The following NDUFA2 variants were observed in gnomAD, a reference collection of about 807,000 sequenced individuals.
NDUFA2 encodes the protein NADH dehydrogenase [ubiquinone] 1 alpha subcomplex subunit 2.
Under a neutral mutation model 11.4 loss-of-function variants are expected in NDUFA2, and 9 were observed. That is an observed-to-expected ratio of 0.79 (90% CI 0.48 to 1.38). The LOEUF (loss-of-function observed/expected upper bound fraction) is 1.38. NDUFA2 is among the 40% of genes most tolerant of loss of function. The pLI is 0.00. For missense variants in NDUFA2, 150 were observed against 131.2 expected (o/e 1.14, Z -0.70); for synonymous variants, 49 against 54.0 (o/e 0.91, Z 0.41).
chr5:140,646,704 G>C (rs1757421615), intron 2 of NDUFA2, among the ~76,000 whole-genome samples: 1 of 152,124 alleles, frequency 6.6e-6, no homozygotes. Flanking sequence ...CTAGGAAGGG[G>C]AATAAATGTA....
At chr5:140,647,060 A>T in intron 2 of NDUFA2, 196 bp downstream of exon 2, 1 of 629,036 alleles carries the variant, frequency 1.6e-6, no homozygotes. Context: ...CAGCCTGCAT[A>T]CTTATGTTGC....
At chr5:140,647,393 T>C (rs1368614655) in intron 1 of NDUFA2, 31 bp from the exon 2 acceptor site, 1 of 1,611,116 alleles carries the variant, frequency 6.2e-7, no homozygotes, top group Non-Finnish European at 8.5e-7. Flanking sequence ...CCGCGCGTGC[T>C]GTGGGCGGGG....
chr5:140,647,491 C>G lies in NDUFA2; in HGVS notation c.93G>C (p.Gln31His), dbSNP rs771125764. 3 of 1,612,418 alleles carry G rather than the reference C, an allele frequency of 1.9e-6. No individual in the cohort carries two copies. The highest frequency in any genetic ancestry group is 2.5e-6 in the Non-Finnish European group (3 of 1,179,832). ...IHLCQRSPGS[Q>H]GVRDFIEKRY... Reference sequence around the variant, plus strand: ...ACCACGCCGCGCCTCACCTGACGCCCTGGCTGCCGGGCGAGCGCTGACATA... The same window carrying G: ...ACCACGCCGCGCCTCACCTGACGCCGTGGCTGCCGGGCGAGCGCTGACATA... Residue 31 changes from glutamine (Q) to histidine (H), a missense_variant, in exon 1 of 3, where the codon CAG becomes CAC. Coordinates refer to ENST00000252102, the MANE Select transcript of NDUFA2 (RefSeq NM_002488.5).
Position 140,647,319 on chromosome 5 carries a change from G to A in NDUFA2, c.145C>T (p.Pro49Ser). The A allele has an allele frequency of 6.3e-7, 1 of 1,598,354 alleles. No individual in the cohort carries two copies. Among genetic ancestry groups the A allele is most frequent in the Non-Finnish European group, 8.5e-7 (1 of 1,170,224 alleles). ...TCGCGGATTAGGATGGGTAGGTCGG[G>A]ATTCGCCTTCTTCAGCTCCACGTAG... ...KRYVELKKAN[P>S]DLPILIRECS... Residue 49 changes from proline to serine, a missense_variant, in exon 2 of 3, where the codon CCC (proline) becomes TCC (serine). Pro to Ser is a moderately conservative substitution (Grantham distance 74, BLOSUM62 -1). Transcript: ENST00000252102.
In NDUFA2 at chr5:140,647,515, T is replaced by TA; in HGVS notation, c.68dup (p.Leu23PhefsTer16). 6.2e-7 allele frequency: 1 copy of TA among 1,612,660 alleles called. No individual in the cohort carries two copies. Among genetic ancestry groups the TA allele is most frequent in the African/African-American group, 1.3e-5 (1 of 75,038 alleles). On this transcript the variant is annotated frameshift_variant, in exon 1 of 3. Coordinates refer to ENST00000252102, the MANE Select transcript of NDUFA2 (RefSeq NM_002488.5). LOFTEE classifies it high-confidence loss of function. ...CCTGGCTGCCGGGCGAGCGCTGACA[T>TA]AAGTGGATGCGAATCTCACGCAGGC... is the stretch of plus-strand genomic sequence containing the variant.
chr5:140,647,251 C>G lies in NDUFA2; in HGVS notation c.208+5G>C. ...AGCCCCAGACCCCTGGCGTCCCGCA[C>G]TCACCGTAGCGGGCCCAGAGCTTGG... On this transcript the variant is annotated splice_donor_5th_base_variant and intron_variant, in intron 2 of 2. Coordinates refer to ENST00000252102, the MANE Select transcript of NDUFA2 (RefSeq NM_002488.5). 6.5e-7 allele frequency: 1 copy of G among 1,540,858 alleles called. No homozygotes were observed. The highest frequency in any genetic ancestry group is 8.7e-7 in the Non-Finnish European group (1 of 1,144,262).
Position 140,645,289 on chromosome 5 carries a change from A to G in NDUFA2, c.*298T>C. 8.5e-6 allele frequency: 6 copies of G among 708,622 alleles called. No homozygotes were observed. The highest frequency in any genetic ancestry group is 6.7e-5 in the South Asian group (4 of 59,526). 43.9% of individuals were successfully genotyped at this position (708,622 alleles called of 1,614,324 possible). On this transcript the variant is annotated 3_prime_UTR_variant, in exon 3 of 3. Transcript: ENST00000252102. Reference sequence around the variant, plus strand: ...CAGGCAGGAGGACCAAAAGGGACTCAGTGTGGTCTACTTACTCTGGGGCCC... The same window carrying G: ...CAGGCAGGAGGACCAAAAGGGACTCGGTGTGGTCTACTTACTCTGGGGCCC...
chr5:140,646,507 G>A (rs1003417558), intron 2 of NDUFA2, among the ~76,000 whole-genome samples: 1 of 152,028 alleles, frequency 6.6e-6, no homozygotes, highest in Non-Finnish European at 1.5e-5. Flanking sequence ...ATCTGCTTAA[G>A]GTGGTCACTC....
intron 2 of NDUFA2, among the ~76,000 whole-genome samples, chr5:140,646,009 CTTTTTTTTTT>C (rs5871744): frequency 8.1e-6 from 1 of 124,118 alleles, no homozygotes; most frequent in South Asian, 2.6e-4. Flanking sequence ...CATTCTCTCT[CTTTTTTTTTT>C]TTTTTTTTTG....
chr5:140,647,329 C>T lies in NDUFA2; in HGVS notation c.135G>A (p.Lys45=), dbSNP rs745399748. The T allele has an allele frequency of 3.1e-6, 5 of 1,604,854 alleles. No homozygotes were observed. Among genetic ancestry groups the T allele is most frequent in the Non-Finnish European group, 4.3e-6 (5 of 1,173,964 alleles). ...GGATGGGTAGGTCGGGATTCGCCTT[C>T]TTCAGCTCCACGTAGCGTTTCTCAA... ...DFIEKRYVEL[K]KANPDLPILI... Residue 45 remains lysine, a synonymous_variant, in exon 2 of 3, where the codon AAG becomes AAA. Coordinates refer to ENST00000252102, the MANE Select transcript of NDUFA2 (RefSeq NM_002488.5).
chr5:140,646,494 C>A (rs907453540), intron 2 of NDUFA2, among the ~76,000 whole-genome samples: 5 of 152,064 alleles, frequency 3.3e-5, no homozygotes, highest in Admixed American at 3.3e-4. Flanking sequence ...ACTCTGAGAA[C>A]CAATCTGCTT....
chr5:140,647,502 G>A lies in NDUFA2; in HGVS notation c.82C>T (p.Pro28Ser). Residue 28 changes from proline to serine, a missense_variant, in exon 1 of 3, where the codon CCC (proline) becomes TCC (serine). Coordinates refer to ENST00000252102, the MANE Select transcript of NDUFA2 (RefSeq NM_002488.5). ...EIRIHLCQRSPGSQGVRDFIE... is the reference protein window; with the variant it reads ...EIRIHLCQRSSGSQGVRDFIE... ...CCTCACCTGACGCCCTGGCTGCCGG[G>A]CGAGCGCTGACATAAGTGGATGCGA... 6.2e-7 allele frequency: 1 copy of A among 1,612,510 alleles called. No homozygotes were observed.
chr5:140,645,517 T>C lies in NDUFA2; in HGVS notation c.*70A>G. On this transcript the variant is annotated 3_prime_UTR_variant, in exon 3 of 3. Transcript: ENST00000252102. Reference sequence around the variant, plus strand: ...TTATGAGGAATAGGAGAACACATTTTTTTCACATTATACTAAGTCCAGCAG... The same window carrying C: ...TTATGAGGAATAGGAGAACACATTTCTTTCACATTATACTAAGTCCAGCAG... 1 of 1,588,040 alleles carries C rather than the reference T, an allele frequency of 6.3e-7. No individual in the cohort carries two copies. The highest frequency in any genetic ancestry group is 8.6e-7 in the Non-Finnish European group (1 of 1,158,922).
chr5:140,646,996 A>G, intron 2 of NDUFA2: 1 of 430,526 alleles, frequency 2.3e-6, no homozygotes, highest in Non-Finnish European at 4.1e-6. Flanking sequence ...TCCTGTCTGA[A>G]GCCCATTCTT....
rs1287014184 is a variant in NDUFA2 at position 140,647,538 on chromosome 5, G to A, written c.46C>T (p.Leu16=). 1 of 1,612,224 alleles carries A rather than the reference G, an allele frequency of 6.2e-7. No homozygotes were observed. The highest frequency in any genetic ancestry group is 8.5e-7 in the Non-Finnish European group (1 of 1,180,036). Residue 16 remains leucine, a synonymous_variant, in exon 1 of 3, where the codon CTG becomes TTG. Transcript: ENST00000252102. ...ASRGVGAKLG[L]REIRIHLCQR... ...CATAAGTGGATGCGAATCTCACGCAGGCCCAGCTTTGCCCCGACTCCTCGA... is the reference window on the plus strand; with the variant it reads ...CATAAGTGGATGCGAATCTCACGCAAGCCCAGCTTTGCCCCGACTCCTCGA...
At position 140,645,859 on chromosome 5, in the gene NDUFA2, G is replaced by T. The variant is rs1757364498; in HGVS notation, c.209-181C>A. 13 of 1,137,490 alleles carry T rather than the reference G, an allele frequency of 1.1e-5. 1 individual carries two copies. The East Asian group carries it at 3.3e-4, about 29-fold the overall frequency. The allele number at this position is 1,137,490 out of a possible 1,614,324, so 70.5% of individuals were successfully genotyped here. ...AATAGGTCTCAAACACATCTAGGAA[G>T]CCCAAGTCCAAATAGAATTTTGGCT... On this transcript the variant is annotated intron_variant, in intron 2 of 2. Transcript: ENST00000252102.
Position 140,645,339 on chromosome 5 carries a change from C to A in NDUFA2, c.*248G>T. 1 of 743,874 alleles carries A rather than the reference C, an allele frequency of 1.3e-6. No individual in the cohort carries two copies. The highest frequency in any genetic ancestry group is 2.3e-6 in the Non-Finnish European group (1 of 427,610). 46.1% of individuals were successfully genotyped at this position (743,874 alleles called of 1,614,324 possible). A position where few individuals can be genotyped will look rare whatever the true frequency, so the allele number is the denominator to read the frequency against. On this transcript the variant is annotated 3_prime_UTR_variant, in exon 3 of 3. Transcript: ENST00000252102. ...CTAGAATCCCTGCCCCCCCGCCACC[C>A]TTCATGTTTGCTTCAGCAGCTGGTA...
At position 140,647,602 on chromosome 5, in the gene NDUFA2, C is replaced by A; in HGVS notation, c.-19G>T. The stretch of plus-strand genomic sequence containing the variant: ...CCGCCATCCTTGTTAATATCGAAGT[C>A]GCCAATTCCAGGTCTTCAGGCCAAG... On this transcript the variant is annotated 5_prime_UTR_variant, in exon 1 of 3. Transcript: ENST00000252102. The A allele has an allele frequency of 6.2e-7, 1 of 1,607,030 alleles. No individual in the cohort carries two copies. Among genetic ancestry groups the A allele is most frequent in the South Asian group, 1.1e-5 (1 of 90,764 alleles).
intron 2 of NDUFA2, 99 bp from the exon 3 acceptor site, chr5:140,645,777 A>T: frequency 6.4e-7 from 1 of 1,565,256 alleles, no homozygotes; most frequent in Non-Finnish European, 8.7e-7. Flanking sequence ...TTGTTAAGAC[A>T]GGAAGAGTAT....
Sources: gnomAD v4.1 joint callset for allele counts (sites outside exome capture counted in the v4.1 genomes callset) on GRCh38, gnomAD v4.1.1 for gene constraint, MANE v1.5 for transcripts, NCBI Gene and HGNC (gene_info 2026-07-23, HGNC 2026-07-21) for gene names.